DEPTOR: variants seen among roughly 807,000 people sequenced by gnomAD.
The protein encoded by DEPTOR is DEP domain-containing mTOR-interacting protein.
Under a neutral mutation model 41.6 loss-of-function variants are expected in DEPTOR, and 41 were observed. The ratio of observed to expected loss-of-function variants is 0.98; its 90% CI spans 0.77 to 1.28. DEPTOR has a LOEUF of 1.28. Among genes scored for constraint, DEPTOR ranks in the 50% most tolerant of loss-of-function variants. The pLI is 0.00. For synonymous variants in DEPTOR, 195 were observed against 192.3 expected (o/e 1.01, Z -0.12); for missense variants, 514 against 527.9 (o/e 0.97, Z 0.26).
At chr8:119,926,598 A>C (rs1369376241) in intron 1 of DEPTOR, among the ~76,000 whole-genome samples, 1 of 152,216 alleles carries the variant, frequency 6.6e-6, no homozygotes, top group African/African-American at 2.4e-5. Flanking sequence ...TTCAAATTTA[A>C]CTGGGTTTCC....
intron 8 of DEPTOR, among the ~76,000 whole-genome samples, chr8:120,032,176 T>C (rs1236727300): frequency 6.6e-6 from 1 of 151,868 alleles, no homozygotes; most frequent in Non-Finnish European, 1.5e-5. Flanking sequence ...TTACTTATAC[T>C]TTCCAAAACT....
intron 1 of DEPTOR, among the ~76,000 whole-genome samples, chr8:119,894,532 G>T (rs1394872558): frequency 6.6e-6 from 1 of 151,496 alleles, no homozygotes; most frequent in Non-Finnish European, 1.5e-5. Flanking sequence ...AAGTAGCTGG[G>T]ACTACAGGCA....
intron 3 of DEPTOR, among the ~76,000 whole-genome samples, chr8:119,930,448 G>C (rs1828027194): frequency 6.6e-6 from 1 of 152,126 alleles, no homozygotes; most frequent in Admixed American, 6.5e-5. Flanking sequence ...TGTTGGCCAG[G>C]CTTTTCTCAA....
chr8:119,957,865 A>G (rs778395262), intron 3 of DEPTOR, among the ~76,000 whole-genome samples: 9 of 152,178 alleles, frequency 5.9e-5, no homozygotes, highest in Admixed American at 2.0e-4. Context: ...CTGGGATTTT[A>G]CAGGCGTGAG....
intron 4 of DEPTOR, among the ~76,000 whole-genome samples, chr8:119,976,018 C>A (rs1012174818): frequency 6.6e-6 from 1 of 151,492 alleles, no homozygotes; most frequent in African/African-American, 2.4e-5. Flanking sequence ...TGTGCCACCA[C>A]ACTGGGCTAA....
rs1485549767 is a variant in DEPTOR at position 120,030,506 on chromosome 8, T to G, written c.1102-19070T>G. On this transcript the variant is annotated intron_variant, in intron 8 of 8. Coordinates refer to ENST00000286234, the MANE Select transcript of DEPTOR (RefSeq NM_022783.4). The stretch of plus-strand genomic sequence containing the variant: ...TTGTGTAGGTTCATCAGTTTTTTTT[T>G]TTTTTTTTTTTTTTTTTTTAGCTGG... Among the ~76,000 whole-genome samples, 5 of 124,788 alleles carry G rather than the reference T, an allele frequency of 4.0e-5. 1 individual carries two copies. Among genetic ancestry groups the G allele is most frequent in the South Asian group, 6.8e-4 (2 of 2,930 alleles). 81.9% of individuals were successfully genotyped at this position (124,788 alleles called of 152,430 possible).
At chr8:120,049,520 C>T (rs1262683220) in intron 8 of DEPTOR, 56 bp from the exon 9 acceptor site, 3 of 1,584,838 alleles carry the variant, frequency 1.9e-6, no homozygotes, top group South Asian at 2.3e-5. Flanking sequence ...TTTATTAAAG[C>T]TTTGTGCAAA....
chr8:120,029,246 A>G (rs1247397528), intron 8 of DEPTOR, among the ~76,000 whole-genome samples: 1 of 152,044 alleles, frequency 6.6e-6, no homozygotes, highest in Non-Finnish European at 1.5e-5. Context: ...TTGGTCTTGT[A>G]TCCTAGAAAG....
rs779050769 is a variant in DEPTOR at position 119,873,911 on chromosome 8, C to T, written c.65C>T (p.Ala22Val). The T allele has an allele frequency of 6.2e-7, 1 of 1,611,584 alleles. No homozygotes were observed. The highest frequency in any genetic ancestry group is 8.5e-7 in the Non-Finnish European group (1 of 1,178,868). The change falls in exon 1 of 9, where the codon GCG becomes GTG. Residue 22 changes from alanine (A) to valine (V), a missense_variant. By Grantham distance (64) the Ala-to-Val change is moderately conservative (BLOSUM62 0). Transcript: ENST00000286234. ...SDSSTSGSGG[A>V]QQRELERMAE... is the part of the protein sequence containing the mutation. The stretch of plus-strand genomic sequence containing the variant: ...AGCAGCACCAGCGGGAGTGGCGGGG[C>T]GCAGCAAAGGGAGCTGGAGCGCATG...
chr8:119,962,577 T>C (rs1554676511), intron 3 of DEPTOR, among the ~76,000 whole-genome samples: 4 of 152,168 alleles, frequency 2.6e-5, no homozygotes, highest in Non-Finnish European at 5.9e-5. Flanking sequence ...TTATAGGCTA[T>C]GTGAAGAATT....
At chr8:119,886,916 T>G (rs780519281) in intron 1 of DEPTOR, among the ~76,000 whole-genome samples, 1 of 152,150 alleles carries the variant, frequency 6.6e-6, no homozygotes, top group Non-Finnish European at 1.5e-5. Flanking sequence ...CTGCTATTTG[T>G]CGGGCATCTC....
chr8:119,969,229 T>A (rs1828602138), intron 4 of DEPTOR, among the ~76,000 whole-genome samples: 1 of 152,174 alleles, frequency 6.6e-6, no homozygotes, highest in Admixed American at 6.5e-5. Context: ...CTAAATGATT[T>A]CCAAGGGATA....
chr8:120,001,858 A>C, intron 5 of DEPTOR, 148 bp downstream of exon 5: 2 of 994,206 alleles, frequency 2.0e-6, no homozygotes. Context: ...AAATTCTGAA[A>C]CCCTAAGTTT....
chr8:120,005,521 C>G (rs190517315), intron 6 of DEPTOR, among the ~76,000 whole-genome samples: 1 of 152,322 alleles, frequency 6.6e-6, no homozygotes, highest in African/African-American at 2.4e-5. Context: ...GTCTGCTGCA[C>G]ACTCTTTCCA....
intron 5 of DEPTOR, among the ~76,000 whole-genome samples, chr8:120,002,211 C>G (rs1011278301): frequency 6.6e-6 from 1 of 152,168 alleles, no homozygotes; most frequent in South Asian, 2.1e-4. Context: ...GCAATCTTGG[C>G]TCACCACAAC....
rs759737444 is a variant in DEPTOR, at chr8:120,009,094, T to C, written c.1062T>C (p.Ala354=). 6.2e-7 allele frequency: 1 copy of C among 1,614,116 alleles called. No individual in the cohort carries two copies. Among genetic ancestry groups the C allele is most frequent in the East Asian group, 2.2e-5 (1 of 44,882 alleles). Residue 354 remains alanine (A), a synonymous_variant, in exon 8 of 9, where the codon GCT becomes GCC. Coordinates refer to ENST00000286234, the MANE Select transcript of DEPTOR (RefSeq NM_022783.4). ...GAAGTAAGCCATGCCACATCCAGGCTGTAGACCCCAGTGGCCCTGCAGCCG... is the reference window on the plus strand; with the variant it reads ...GAAGTAAGCCATGCCACATCCAGGCCGTAGACCCCAGTGGCCCTGCAGCCG... ...VRGSKPCHIQ[A]VDPSGPAAAA... is the part of the protein sequence containing the mutation.
At chr8:119,932,150 T>A (rs1586620951) in intron 3 of DEPTOR, among the ~76,000 whole-genome samples, 1 of 151,886 alleles carries the variant, frequency 6.6e-6, no homozygotes, top group East Asian at 1.9e-4. Flanking sequence ...TCCAGCTATT[T>A]TTTTTTTAAC....
chr8:120,042,452 C>G (rs941676224), intron 8 of DEPTOR, among the ~76,000 whole-genome samples: 4 of 152,202 alleles, frequency 2.6e-5, no homozygotes, highest in Admixed American at 6.5e-5. Context: ...ATTGCTGGAA[C>G]CACAGCAGTT....
intron 3 of DEPTOR, among the ~76,000 whole-genome samples, chr8:119,946,114 C>T (rs1344449386): frequency 6.6e-6 from 1 of 152,114 alleles, no homozygotes; most frequent in Non-Finnish European, 1.5e-5. Flanking sequence ...AACATCCCCG[C>T]TTAATTGCAG....
Sources: gnomAD v4.1 joint callset for allele counts (sites outside exome capture counted in the v4.1 genomes callset) on GRCh38, gnomAD v4.1.1 for gene constraint, MANE v1.5 for transcripts, NCBI Gene and HGNC (gene_info 2026-07-23, HGNC 2026-07-21) for gene names.